GRM1: variants seen among roughly 807,000 people sequenced by gnomAD.
The protein encoded by GRM1 is metabotropic glutamate receptor 1.
In GRM1, 33 loss-of-function variants were observed where a neutral mutation model predicts 90.9. The observed-to-expected ratio is 0.36, with a 90% confidence interval of 0.28 to 0.49. The LOEUF is 0.49. GRM1 is among the 20% of genes least tolerant of loss of function. The probability of loss-of-function intolerance (pLI) is 0.99; values close to 1 mark genes in which losing one functional copy is unlikely to be tolerated. For missense variants in GRM1, 1,190 were observed against 1,534.3 expected, an observed-to-expected ratio of 0.78 and a Z score of 3.75; for synonymous variants, 700 against 613.2, an observed-to-expected ratio of 1.14 and a Z score of -2.09.
chr6:146,327,759 A>G (rs1396737089), intron 3 of GRM1, among the ~76,000 whole-genome samples: 3 of 152,104 alleles, frequency 2.0e-5, no homozygotes, highest in African/African-American at 7.2e-5. Context: ...AAGACTGTCC[A>G]ACTCAGTCAT....
intron 1 of GRM1, among the ~76,000 whole-genome samples, chr6:146,043,331 G>T (rs1009189267): frequency 6.6e-6 from 1 of 151,806 alleles, no homozygotes; most frequent in Non-Finnish European, 1.5e-5. Context: ...TTACATACTT[G>T]ACTTTGTTTA....
rs1583238495 is a variant in GRM1, at chr6:146,262,098, A to G, written c.951-42513A>G. Among the ~76,000 whole-genome samples the G allele has an allele frequency of 2.6e-5, 4 of 151,356 alleles. No homozygotes were observed. In the South Asian group the frequency reaches 8.3e-4, roughly 32 times the overall value. Reference sequence around the variant, plus strand: ...AGAAAACAAAACAAAAAAAAAAAAAAGAAGGAAAAGACACAAAGGTATAAA... The same window carrying G: ...AGAAAACAAAACAAAAAAAAAAAAAGGAAGGAAAAGACACAAAGGTATAAA... On this transcript the variant is annotated intron_variant, in intron 2 of 7. Transcript: ENST00000282753.
intron 2 of GRM1, among the ~76,000 whole-genome samples, chr6:146,288,591 C>A (rs576089207): frequency 6.6e-6 from 1 of 152,198 alleles, no homozygotes; most frequent in East Asian, 1.9e-4. Context: ...CTGCAACCTC[C>A]GCCTCCTGGG....
At chr6:146,344,417 T>C (rs1583357046) in intron 3 of GRM1, among the ~76,000 whole-genome samples, 1 of 152,208 alleles carries the variant, frequency 6.6e-6, no homozygotes. Flanking sequence ...AATATGCCCT[T>C]TACAACCTGA....
At chr6:146,216,950 AT>A (rs1163520167) in intron 2 of GRM1, among the ~76,000 whole-genome samples, 1 of 152,138 alleles carries the variant, frequency 6.6e-6, no homozygotes, top group Non-Finnish European at 1.5e-5. Context: ...GCTAGAGACA[AT>A]TTGGTGCAGG....
At chr6:146,408,919 G>A (rs1777458501) in intron 7 of GRM1, among the ~76,000 whole-genome samples, 1 of 152,120 alleles carries the variant, frequency 6.6e-6, no homozygotes, top group South Asian at 2.1e-4. Flanking sequence ...AGGAGCAAAA[G>A]TATTGAGAGT....
At chr6:146,149,061 C>T (rs1777219126) in intron 1 of GRM1, among the ~76,000 whole-genome samples, 1 of 152,154 alleles carries the variant, frequency 6.6e-6, no homozygotes, top group Non-Finnish European at 1.5e-5. Context: ...TAACTTCTTT[C>T]TCCATTTCAT....
In GRM1 at chr6:146,265,879, G is replaced by A. The variant is rs936531090; in HGVS notation, c.951-38732G>A. On this transcript the variant is annotated intron_variant, in intron 2 of 7. Transcript: ENST00000282753. ...TCCATTAACCTCTGTGTCTATTTTT[G>A]TTAACTATTTAAAAAAAATACATAT... 2.0e-5 allele frequency among the ~76,000 whole-genome samples: 3 copies of A among 152,012 alleles called. No homozygotes were observed. The East Asian group carries it at 5.8e-4, about 29-fold the overall frequency.
chr6:146,201,904 G>C (rs952627071), intron 2 of GRM1, among the ~76,000 whole-genome samples: 3 of 152,166 alleles, frequency 2.0e-5, no homozygotes, highest in Non-Finnish European at 1.5e-5. Context: ...GCTCTCAACC[G>C]CTGTGCAATG....
chr6:146,377,165 A>G (rs1776132724), intron 5 of GRM1, among the ~76,000 whole-genome samples: 1 of 152,080 alleles, frequency 6.6e-6, no homozygotes, highest in Non-Finnish European at 1.5e-5. Context: ...GCAGACGAAT[A>G]CAGTAAATTG....
At chr6:146,408,339 C>T (rs576276913) in intron 7 of GRM1, among the ~76,000 whole-genome samples, 2 of 152,226 alleles carry the variant, frequency 1.3e-5, no homozygotes, top group East Asian at 3.9e-4. Flanking sequence ...TCTATCGAGT[C>T]ATCTGTTTTC....
intron 2 of GRM1, among the ~76,000 whole-genome samples, chr6:146,182,866 A>G (rs575581241): frequency 5.0e-4 from 76 of 152,340 alleles, no homozygotes; most frequent in Non-Finnish European, 7.9e-4. Flanking sequence ...ATATTTTCTC[A>G]TAAAATTAGT....
rs200832048 is a variant in GRM1 at position 146,304,650 on chromosome 6, T to A, written c.990T>A (p.Tyr330Ter). ...WADRDEVIEG[Y>*]EVEANGGITI... ...ACAGAGATGAAGTCATTGAAGGTTA[T>A]GAGGTGGAAGCCAACGGGGGAATCA... The change falls in exon 3 of 8, where the codon TAT (tyrosine) becomes TAA (stop). Residue 330 changes from tyrosine to a stop codon, truncating the protein, a stop_gained. Transcript: ENST00000282753. LOFTEE classifies it high-confidence loss of function. The A allele has an allele frequency of 6.2e-7, 1 of 1,613,780 alleles. No homozygotes were observed. The highest frequency in any genetic ancestry group is 8.5e-7 in the Non-Finnish European group (1 of 1,179,850).
At chr6:146,426,439 G>A (rs1225354631) in intron 7 of GRM1, 7 of 833,334 alleles carry the variant, frequency 8.4e-6, no homozygotes, top group Non-Finnish European at 1.4e-5. Context: ...AGCAAACGGA[G>A]GTGGAGGCAA....
At chr6:146,364,872 G>T (rs1473314779) in intron 5 of GRM1, 2 of 150,482 alleles carry the variant, frequency 1.3e-5, no homozygotes, top group Admixed American at 6.6e-5. Context: ...GACAATTCTC[G>T]TATAATTATC....
At chr6:146,204,943 T>A (rs1181483219) in intron 2 of GRM1, among the ~76,000 whole-genome samples, 1 of 152,218 alleles carries the variant, frequency 6.6e-6, no homozygotes, top group African/African-American at 2.4e-5. Flanking sequence ...GGACATGGGC[T>A]TTGTTTCATA....
intron 1 of GRM1, among the ~76,000 whole-genome samples, chr6:146,149,228 A>T (rs1276864059): frequency 6.6e-6 from 1 of 152,180 alleles, no homozygotes; most frequent in African/African-American, 2.4e-5. Context: ...TTTAAACCTA[A>T]ACACTAAAAG....
At chr6:146,425,508 CT>C (rs1778164611) in intron 7 of GRM1, among the ~76,000 whole-genome samples, 1 of 141,492 alleles carries the variant, frequency 7.1e-6, no homozygotes, top group African/African-American at 2.4e-5. Context: ...TTTTGGTCCT[CT>C]TCCAGGTTAC....
chr6:146,344,022 A>G (rs1785083340), intron 3 of GRM1, among the ~76,000 whole-genome samples: 1 of 152,236 alleles, frequency 6.6e-6, no homozygotes, highest in South Asian at 2.1e-4. Context: ...GTAAACATGT[A>G]TCTGTAATCA....
Sources: gnomAD v4.1 joint callset for allele counts (sites outside exome capture counted in the v4.1 genomes callset) on GRCh38, gnomAD v4.1.1 for gene constraint, MANE v1.5 for transcripts, NCBI Gene and HGNC (gene_info 2026-07-23, HGNC 2026-07-21) for gene names.